Variants in MSRB2 observed in about 807,000 individuals in gnomAD.
MSRB2 encodes methionine sulfoxide reductase B2.
MSRB2 carries 17 observed loss-of-function variants against 19.0 expected under a neutral mutation model. The ratio of observed to expected loss-of-function variants is 0.89; its 90% CI spans 0.61 to 1.34. MSRB2 has a LOEUF of 1.34. Among genes scored for constraint, MSRB2 ranks in the 40% most tolerant of loss-of-function variants. The pLI, the probability that MSRB2 is intolerant of heterozygous loss-of-function variation, is 0.00. For missense variants in MSRB2, 208 were observed against 237.6 expected (o/e 0.88, Z 0.82); for synonymous variants, 107 against 99.7 (o/e 1.07, Z -0.44).
chr10:23,108,375 G>A (rs1840006736), intron 2 of MSRB2, among the ~76,000 whole-genome samples: 1 of 152,072 alleles, frequency 6.6e-6, no homozygotes, highest in Non-Finnish European at 1.5e-5. Context: ...CAGGCTGTCT[G>A]GATCCTATGA....
At chr10:23,111,702 A>G (rs976594077) in intron 3 of MSRB2, among the ~76,000 whole-genome samples, 1 of 152,222 alleles carries the variant, frequency 6.6e-6, no homozygotes, top group Non-Finnish European at 1.5e-5. Context: ...AGATGTCTGT[A>G]TCTGGCCATG....
At chr10:23,108,467 A>C (rs1840007579) in intron 2 of MSRB2, among the ~76,000 whole-genome samples, 1 of 145,338 alleles carries the variant, frequency 6.9e-6, no homozygotes, top group Admixed American at 7.2e-5. Flanking sequence ...AAGGATGGGA[A>C]ACTTCCTCTT....
At chr10:23,116,630 G>A (rs920398770) in intron 3 of MSRB2, among the ~76,000 whole-genome samples, 3 of 152,236 alleles carry the variant, frequency 2.0e-5, no homozygotes, top group Non-Finnish European at 2.9e-5. Context: ...TTAATCAGGA[G>A]AAAGTTACTA....
chr10:23,103,699 A>G (rs758550059), intron 1 of MSRB2, among the ~76,000 whole-genome samples: 1 of 152,216 alleles, frequency 6.6e-6, no homozygotes, highest in Non-Finnish European at 1.5e-5. Flanking sequence ...ATATCCTTAT[A>G]AACTAGCAAG....
Position 23,117,566 on chromosome 10 carries a change from G to A in MSRB2, c.297-1738G>A, listed in dbSNP as rs779313832. Among the ~76,000 whole-genome samples the A allele has an allele frequency of 7.5e-4, 114 of 152,124 alleles. 1 individual carries two copies. Among genetic ancestry groups the A allele is most frequent in the Admixed American group, 2.6e-4 (4 of 15,276 alleles). On this transcript the variant is annotated intron_variant, in intron 3 of 4. Coordinates refer to ENST00000376510, the MANE Select transcript of MSRB2 (RefSeq NM_012228.4). Reference sequence around the variant, plus strand: ...ATATAATAAATTTATTTCAGGTTGAGCATCTCTACTCTGAAAATTCGAAAT... The same window carrying A: ...ATATAATAAATTTATTTCAGGTTGAACATCTCTACTCTGAAAATTCGAAAT...
At position 23,120,700 on chromosome 10, in the gene MSRB2, T is replaced by C. The variant is rs1840171828; in HGVS notation, c.445-58T>C. On this transcript the variant is annotated intron_variant, in intron 4 of 4. Coordinates refer to ENST00000376510, the MANE Select transcript of MSRB2 (RefSeq NM_012228.4). ...ATTTTGGGGGGGTTCGTCTGTCTGGTTTTACATAAAGAGCTTTGTTTGCAT... is the reference window on the plus strand; with the variant it reads ...ATTTTGGGGGGGTTCGTCTGTCTGGCTTTACATAAAGAGCTTTGTTTGCAT... The C allele has an allele frequency of 3.5e-6, 5 of 1,420,744 alleles. No individual in the cohort carries two copies. In the East Asian group the frequency reaches 1.2e-4, roughly 33 times the overall value. The allele number at this position is 1,420,744 out of a possible 1,614,324, so 88.0% of individuals were successfully genotyped here.
intron 1 of MSRB2, among the ~76,000 whole-genome samples, chr10:23,096,228 A>G (rs926400681): frequency 2.4e-4 from 37 of 152,184 alleles, no homozygotes; most frequent in Admixed American, 2.2e-3. Context: ...CTGACTTCCC[A>G]TAAATGTGTC....
At position 23,109,271 on chromosome 10, in the gene MSRB2, C is replaced by T. The variant is rs527676305; in HGVS notation, c.220-971C>T. Among the ~76,000 whole-genome samples, 10 of 152,250 alleles carry T rather than the reference C, an allele frequency of 6.6e-5. No homozygotes were observed. The East Asian group carries it at 1.7e-3, about 26-fold the overall frequency. ...TGGTCTTTAAAAAAAAGTCATCAGC[C>T]GGGTGCAGTGGCTCATGCCTGTAGT... On this transcript the variant is annotated intron_variant, in intron 2 of 4. Transcript: ENST00000376510.
Position 23,120,898 on chromosome 10 carries a change from C to A in MSRB2, c.*36C>A. The A allele has an allele frequency of 6.8e-7, 1 of 1,474,384 alleles. No individual in the cohort carries two copies. Among genetic ancestry groups the A allele is most frequent in the Non-Finnish European group, 9.4e-7 (1 of 1,059,902 alleles). 91.3% of individuals were successfully genotyped at this position (1,474,384 alleles called of 1,614,324 possible). On this transcript the variant is annotated 3_prime_UTR_variant, in exon 5 of 5. Coordinates refer to ENST00000376510, the MANE Select transcript of MSRB2 (RefSeq NM_012228.4). ...GAGTCCCGTTCCCTTGCCACCCCTT[C>A]ACGTGCACCCTCAATTTCCACAATT... is the stretch of plus-strand genomic sequence containing the variant.
chr10:23,119,900 C>T lies in MSRB2; in HGVS notation c.444+449C>T, dbSNP rs545953758. On this transcript the variant is annotated intron_variant, in intron 4 of 4. Coordinates refer to ENST00000376510, the MANE Select transcript of MSRB2 (RefSeq NM_012228.4). ...GTGGGCCACCACACCCAGCCCAGAA[C>T]ACATGGGGTTTCTACACATGCCAAT... Among the ~76,000 whole-genome samples, 313 of 152,302 alleles carry T rather than the reference C, an allele frequency of 2.1e-3. 2 individuals carry two copies. Among genetic ancestry groups the T allele is most frequent in the Non-Finnish European group, 3.8e-3 (256 of 68,030 alleles).
intron 1 of MSRB2, among the ~76,000 whole-genome samples, chr10:23,100,787 G>C (rs1434757269): frequency 1.3e-5 from 2 of 152,152 alleles, no homozygotes; most frequent in Non-Finnish European, 2.9e-5. Flanking sequence ...TTTGGGTAGG[G>C]ACACAGAGCC....
chr10:23,101,863 G>GT (rs1839929504), intron 1 of MSRB2, among the ~76,000 whole-genome samples: 1 of 152,158 alleles, frequency 6.6e-6, no homozygotes, highest in African/African-American at 2.4e-5. Context: ...TTATAGACAA[G>GT]TTATAAAGAC....
chr10:23,102,824 G>A (rs554256483), intron 1 of MSRB2, among the ~76,000 whole-genome samples: 7 of 152,160 alleles, frequency 4.6e-5, no homozygotes, highest in East Asian at 3.9e-4. Flanking sequence ...GACATTCTGC[G>A]TGATAACTCT....
intron 2 of MSRB2, among the ~76,000 whole-genome samples, chr10:23,108,475 C>CTTTTT (rs566565955): frequency 1.5e-5 from 2 of 129,266 alleles, no homozygotes; most frequent in Non-Finnish European, 3.2e-5. Context: ...GAAACTTCCT[C>CTTTTT]TTTTTTTTTT....
At chr10:23,098,117 T>C (rs1839886501) in intron 1 of MSRB2, among the ~76,000 whole-genome samples, 1 of 152,240 alleles carries the variant, frequency 6.6e-6, no homozygotes, top group Non-Finnish European at 1.5e-5. Context: ...GGCATAGGGT[T>C]AAAATAGTCC....
At chr10:23,106,460 T>C (rs1839987378) in intron 2 of MSRB2, among the ~76,000 whole-genome samples, 1 of 152,214 alleles carries the variant, frequency 6.6e-6, no homozygotes, top group Non-Finnish European at 1.5e-5. Context: ...GTGCAGGTCA[T>C]TCTCTGTCTA....
intron 3 of MSRB2, among the ~76,000 whole-genome samples, chr10:23,117,210 A>C (rs570337782): frequency 1.4e-4 from 22 of 152,314 alleles, no homozygotes; most frequent in African/African-American, 5.3e-4. Flanking sequence ...TCACACACAA[A>C]TCTTTCAGAA....
At chr10:23,112,650 G>A (rs1016767575) in intron 3 of MSRB2, among the ~76,000 whole-genome samples, 32 of 152,266 alleles carry the variant, frequency 2.1e-4, no homozygotes, top group African/African-American at 7.5e-4. Flanking sequence ...GTGCAGTGGC[G>A]CGATCTCGGC....
intron 2 of MSRB2, among the ~76,000 whole-genome samples, chr10:23,108,076 G>C (rs1337863061): frequency 1.3e-5 from 2 of 151,718 alleles, no homozygotes; most frequent in Admixed American, 6.6e-5. Flanking sequence ...TTCTGCCTCA[G>C]CCTCCCGAGT....
Sources: allele counts gnomAD v4.1 joint callset (sites outside exome capture counted in the v4.1 genomes callset), GRCh38; gene constraint gnomAD v4.1.1; transcripts MANE v1.5; gene names NCBI Gene and HGNC (gene_info 2026-07-23, HGNC 2026-07-21).